The following MMEL1 variants were observed in gnomAD, a reference collection of about 807,000 sequenced individuals.
MMEL1 encodes the protein membrane metalloendopeptidase like 1.
Under a neutral mutation model 117.1 loss-of-function variants are expected in MMEL1, and 98 were observed. The observed-to-expected ratio is 0.84, with a 90% CI of 0.71 to 0.99. The LOEUF is 0.99. Among genes scored for constraint, MMEL1 ranks in the 50% least tolerant of loss-of-function variants. The pLI is 0.00. For synonymous variants in MMEL1, 390 were observed against 415.1 expected (o/e 0.94, Z 0.74); for missense variants, 1,014 against 1,049.1 (o/e 0.97, Z 0.46).
rs1644975215 is a variant in MMEL1 at position 2,603,916 on chromosome 1, G to T, written c.1009C>A (p.Leu337Met). ...DVIALYHRMG[L>M]EELQSQFGLK... is the part of the protein sequence containing the mutation. ...CCAAACTGGCTTTGCAGCTCCTCCAGTCCCATCCGGTGGTACAAGGCGATG... is the reference window on the plus strand; with the variant it reads ...CCAAACTGGCTTTGCAGCTCCTCCATTCCCATCCGGTGGTACAAGGCGATG... Residue 337 changes from leucine (L) to methionine (M), a missense_variant, in exon 11 of 24, where the codon CTG (leucine) becomes ATG (methionine). Coordinates refer to ENST00000378412, the MANE Select transcript of MMEL1 (RefSeq NM_033467.4). The T allele has an allele frequency of 3.1e-6, 5 of 1,613,856 alleles. No homozygotes were observed. In the East Asian group the frequency reaches 1.1e-4, roughly 36 times the overall value.
chr1:2,596,766 G>A, intron 13 of MMEL1, 77 bp from the exon 14 acceptor site: 1 of 1,566,288 alleles, frequency 6.4e-7, no homozygotes, highest in Non-Finnish European at 8.7e-7. Context: ...TGGGCTTACG[G>A]GGTGAGCAGA....
chr1:2,592,655 CT>C lies in MMEL1; in HGVS notation c.2066del (p.Lys689ArgfsTer56). 6.3e-7 allele frequency: 1 copy of C among 1,597,454 alleles called. No homozygotes were observed. Among genetic ancestry groups the C allele is most frequent in the Non-Finnish European group, 8.5e-7 (1 of 1,173,250 alleles). On this transcript the variant is annotated frameshift_variant and splice_region_variant, in exon 21 of 24. Transcript: ENST00000378412. LOFTEE classifies it high-confidence loss of function. ...ADNGGVRQAY[K>X]AYLKWMAEGG... ...CGCCCCCTCCCCTGCCAGGCCCCAC[CT>C]TATAGGCTTGCCGCACCCCTCCGTT...
chr1:2,616,342 CA>C (rs60641053), intron 2 of MMEL1, among the ~76,000 whole-genome samples: 8,358 of 89,116 alleles, frequency 0.094, 231 homozygotes, highest in Middle Eastern at 0.13. Flanking sequence ...GACCCTAGCT[CA>C]AAAAAAAAAA....
In MMEL1 at chr1:2,630,983, C is replaced by T. The variant is rs532933575; in HGVS notation, c.-37-1462G>A. Among the ~76,000 whole-genome samples the T allele has an allele frequency of 1.8e-3, 268 of 148,976 alleles. 1 individual carries two copies. Among genetic ancestry groups the T allele is most frequent in the African/African-American group, 6.3e-3 (256 of 40,318 alleles). On this transcript the variant is annotated intron_variant, in intron 1 of 23. Transcript: ENST00000378412. ...TACGCTCGTGTGTGCACGTGTGTGA[C>T]TGTGATTGTGCACCTGTGCGTGTGC...
At position 2,591,095 on chromosome 1, in the gene MMEL1, G is replaced by A; in HGVS notation, c.2241-6C>T. 1 of 1,552,786 alleles carries A rather than the reference G, an allele frequency of 6.4e-7. No homozygotes were observed. The highest frequency in any genetic ancestry group is 8.7e-7 in the Non-Finnish European group (1 of 1,150,210). On this transcript the variant is annotated splice_region_variant and splice_polypyrimidine_tract_variant and intron_variant, in intron 23 of 23. Coordinates refer to ENST00000378412, the MANE Select transcript of MMEL1 (RefSeq NM_033467.4). ...TCTGCAGCGACCCCAGTACCCTGTG[G>A]GTGGGTGGGTGTGACAGCAGGAGCA...
intron 1 of MMEL1, among the ~76,000 whole-genome samples, chr1:2,630,856 G>A (rs537083195): frequency 8.6e-5 from 13 of 151,216 alleles, no homozygotes; most frequent in Admixed American, 2.0e-4. Flanking sequence ...ACCTGTGTGC[G>A]TGTACTCTCG....
intron 6 of MMEL1, among the ~76,000 whole-genome samples, chr1:2,608,895 A>G (rs1276465015): frequency 1.4e-5 from 2 of 138,022 alleles, no homozygotes; most frequent in Admixed American, 7.2e-5. Flanking sequence ...ATATATAGAT[A>G]CATGCATGAA....
In MMEL1 at chr1:2,595,992, C is replaced by A; in HGVS notation, c.1500+17G>T. 6.2e-7 allele frequency: 1 copy of A among 1,611,048 alleles called. No individual in the cohort carries two copies. On this transcript the variant is annotated intron_variant, in intron 15 of 23. Transcript: ENST00000378412. This position sits in a 1 kb window ranked among gnomAD's most constrained non-coding sequence, Gnocchi z 4.8. ...CAGATCCAGTCGGGGCTGCCCTGAC[C>A]TCTGCGAGCCACATACCTTCTCCTG... is the stretch of plus-strand genomic sequence containing the variant.
chr1:2,624,542 T>C (rs1645339983), intron 2 of MMEL1, among the ~76,000 whole-genome samples: 1 of 152,256 alleles, frequency 6.6e-6, no homozygotes, highest in African/African-American at 2.4e-5. Flanking sequence ...TGTAAAAATT[T>C]AAACACTATT....
In MMEL1 at chr1:2,611,134, C is replaced by G. The variant is rs1645118648; in HGVS notation, c.292+147G>C. 9.2e-6 allele frequency: 7 copies of G among 758,230 alleles called. No homozygotes were observed. In the Admixed American group the frequency reaches 1.9e-4, roughly 21 times the overall value. 47.0% of individuals were successfully genotyped at this position (758,230 alleles called of 1,614,324 possible). A position where few individuals can be genotyped will look rare whatever the true frequency, so the allele number is the denominator to read the frequency against. On this transcript the variant is annotated intron_variant, in intron 4 of 23. Coordinates refer to ENST00000378412, the MANE Select transcript of MMEL1 (RefSeq NM_033467.4). ...AGAAACACCAGCTCCGCCCGCTCCA[C>G]AGCGAGTCCGAGTCCGGCCCACCCG...
chr1:2,608,711 CAT>C (rs1192020149), intron 6 of MMEL1, among the ~76,000 whole-genome samples: 3 of 152,072 alleles, frequency 2.0e-5, no homozygotes, highest in Non-Finnish European at 4.4e-5. Context: ...ACATAATACA[CAT>C]ATACACTATA....
intron 4 of MMEL1, among the ~76,000 whole-genome samples, 190 bp downstream of exon 4, chr1:2,611,091 C>T (rs1295867554): frequency 1.3e-5 from 2 of 152,242 alleles, no homozygotes; most frequent in Non-Finnish European, 2.9e-5. Context: ...ACTGGGGGCC[C>T]AGCGGACGCC....
chr1:2,594,568 G>T, intron 17 of MMEL1, 125 bp from the exon 18 acceptor site: 2 of 1,232,616 alleles, frequency 1.6e-6, no homozygotes, highest in South Asian at 1.3e-5. Context: ...CCTATCCCAA[G>T]ATCTGGTTCC....
At chr1:2,599,537 T>C (rs1489026153) in intron 11 of MMEL1, among the ~76,000 whole-genome samples, 1 of 152,248 alleles carries the variant, frequency 6.6e-6, no homozygotes, top group Non-Finnish European at 1.5e-5. Flanking sequence ...ATCTGCCATC[T>C]ATTCATAATA....
chr1:2,610,482 C>T (rs1645107555), intron 4 of MMEL1, among the ~76,000 whole-genome samples: 1 of 152,206 alleles, frequency 6.6e-6, no homozygotes, highest in Non-Finnish European at 1.5e-5. Context: ...CAGCTGGTGA[C>T]CATGCCCTGT....
In MMEL1 at chr1:2,604,298, C is replaced by G. The variant is rs376434984; in HGVS notation, c.817-17G>C. 2.5e-6 allele frequency: 4 copies of G among 1,611,412 alleles called. No individual in the cohort carries two copies. The highest frequency in any genetic ancestry group is 2.5e-6 in the Non-Finnish European group (3 of 1,179,220). ...TTCCCGCACCTGGGCCAAAGGACGC[C>G]GGGCAGAGCTGGGTGGCCTCAGCCA... is the stretch of plus-strand genomic sequence containing the variant. On this transcript the variant is annotated splice_polypyrimidine_tract_variant and intron_variant, in intron 9 of 23. Coordinates refer to ENST00000378412, the MANE Select transcript of MMEL1 (RefSeq NM_033467.4).
At chr1:2,631,108 A>G (rs1234677979) in intron 1 of MMEL1, among the ~76,000 whole-genome samples, 3 of 152,142 alleles carry the variant, frequency 2.0e-5, no homozygotes, top group Non-Finnish European at 4.4e-5. Context: ...CACATATGTG[A>G]GCACATGCAT....
intron 2 of MMEL1, among the ~76,000 whole-genome samples, chr1:2,621,720 C>T (rs531589924): frequency 2.4e-4 from 37 of 152,264 alleles, no homozygotes; most frequent in South Asian, 4.1e-4. Flanking sequence ...TCCGCCATCA[C>T]GCCTGGCTAA....
intron 11 of MMEL1, among the ~76,000 whole-genome samples, chr1:2,599,543 T>G (rs1384625805): frequency 6.6e-6 from 1 of 152,218 alleles, no homozygotes; most frequent in Non-Finnish European, 1.5e-5. Context: ...CATCTATTCA[T>G]AATAAAAACT....
Sources: gnomAD v4.1 joint callset for allele counts (sites outside exome capture counted in the v4.1 genomes callset) on GRCh38, gnomAD v4.1.1 for gene constraint, Gnocchi (gnomAD v3.1) non-coding constraint, MANE v1.5 for transcripts, NCBI Gene and HGNC (gene_info 2026-07-23, HGNC 2026-07-21) for gene names.